CDH4: variants seen among roughly 807,000 people sequenced by gnomAD.
CDH4 encodes cadherin-4.
Under a neutral mutation model 86.0 loss-of-function variants are expected in CDH4, and 33 were observed. The ratio of observed to expected loss-of-function variants is 0.38; its 90% CI spans 0.29 to 0.51. CDH4 has a LOEUF of 0.51. Among genes scored for constraint, CDH4 ranks in the 20% least tolerant of loss-of-function variants. CDH4 has a pLI of 0.86. For synonymous variants in CDH4, 555 were observed against 549.4 expected (o/e 1.01, Z -0.14); for missense variants, 1,114 against 1,307.4 (o/e 0.85, Z 2.28).
chr20:61,733,943 C>T (rs886573113), intron 2 of CDH4, among the ~76,000 whole-genome samples: 6 of 152,244 alleles, frequency 3.9e-5, no homozygotes, highest in African/African-American at 9.6e-5. Context: ...CCTGCTGCGC[C>T]CGTAAATGTC....
chr20:61,919,971 CGTG>C (rs2054951062), intron 9 of CDH4, among the ~76,000 whole-genome samples: 2 of 149,170 alleles, frequency 1.3e-5, no homozygotes, highest in African/African-American at 5.0e-5. Flanking sequence ...TGTGTGGAAG[CGTG>C]GTATCGCGGT....
intron 4 of CDH4, among the ~76,000 whole-genome samples, chr20:61,830,125 C>A (rs1230118375): frequency 6.7e-6 from 1 of 150,172 alleles, no homozygotes; most frequent in Non-Finnish European, 1.5e-5. Context: ...CCCCCACACC[C>A]GTTCATGTGA....
intron 2 of CDH4, among the ~76,000 whole-genome samples, chr20:61,605,499 A>C (rs2427178): frequency 3.3e-5 from 5 of 151,198 alleles, no homozygotes; most frequent in Admixed American, 1.3e-4. Flanking sequence ...CTCTCCCCCC[A>C]TGTCTCTCCC....
At chr20:61,798,158 G>A (rs1314832119) in intron 4 of CDH4, among the ~76,000 whole-genome samples, 3 of 151,546 alleles carry the variant, frequency 2.0e-5, no homozygotes, top group Non-Finnish European at 4.4e-5. Flanking sequence ...CGCCTCTCCT[G>A]AGCCAGCAGC....
intron 2 of CDH4, among the ~76,000 whole-genome samples, chr20:61,375,212 A>G (rs1345383907): frequency 6.6e-6 from 1 of 152,206 alleles, no homozygotes; most frequent in Non-Finnish European, 1.5e-5. Flanking sequence ...GATATTTTAC[A>G]GAGTTTGACT....
At chr20:61,364,045 A>G (rs2084798108) in intron 2 of CDH4, among the ~76,000 whole-genome samples, 1 of 152,178 alleles carries the variant, frequency 6.6e-6, no homozygotes, top group Non-Finnish European at 1.5e-5. Context: ...CAGCATTTCC[A>G]TGTGTCGTTT....
chr20:61,890,966 G>A (rs761356286), intron 7 of CDH4, among the ~76,000 whole-genome samples: 25 of 152,058 alleles, frequency 1.6e-4, no homozygotes, highest in African/African-American at 5.8e-4. Flanking sequence ...GTGGCTGTCC[G>A]GGTCACGCTG....
intron 5 of CDH4, among the ~76,000 whole-genome samples, chr20:61,849,542 C>T (rs1982617846): frequency 6.6e-6 from 1 of 151,972 alleles, no homozygotes; most frequent in Non-Finnish European, 1.5e-5. Context: ...GGATCTGCCT[C>T]TAGGCTCACC....
intron 2 of CDH4, among the ~76,000 whole-genome samples, chr20:61,283,474 C>CTG (rs2084274399): frequency 2.6e-5 from 2 of 78,430 alleles, no homozygotes; most frequent in African/African-American, 4.3e-5. Context: ...CACGCGTGTG[C>CTG]TGTGGTGTGT....
At chr20:61,467,637 G>A (rs2085480160) in intron 2 of CDH4, among the ~76,000 whole-genome samples, 1 of 152,166 alleles carries the variant, frequency 6.6e-6, no homozygotes, top group Admixed American at 6.5e-5. Context: ...AATTACACAT[G>A]CTGCTGCCCA....
intron 2 of CDH4, among the ~76,000 whole-genome samples, chr20:61,483,677 C>T (rs1383825330): frequency 6.7e-6 from 1 of 149,014 alleles, no homozygotes; most frequent in Non-Finnish European, 1.5e-5. Flanking sequence ...ACCCGCCCCC[C>T]CCGCCCCGCC....
chr20:61,844,672 G>A lies in CDH4; in HGVS notation c.581G>A (p.Arg194Gln), dbSNP rs370743880. The A allele has an allele frequency of 2.5e-5, 41 of 1,609,904 alleles. No homozygotes were observed. Among genetic ancestry groups the A allele is most frequent in the Admixed American group, 1.8e-4 (11 of 59,860 alleles). ...GPFPQQLVRI[R>Q]SDKDNDIPIR... ...CGCTTTGCTCCTGCCTTTCAGATCC[G>A]GTCCGACAAAGACAATGACATCCCC... Residue 194 changes from arginine (R) to glutamine (Q), a missense_variant, in exon 5 of 16, where the codon CGG becomes CAG. This residue lies in a region of CDH4 where 705 missense variants were observed against 914.1 expected (regional missense o/e 0.77). Transcript: ENST00000614565.
chr20:61,573,088 G>C (rs1408017442), intron 2 of CDH4, among the ~76,000 whole-genome samples: 1 of 151,936 alleles, frequency 6.6e-6, no homozygotes. Flanking sequence ...TTGGATGGAT[G>C]GTTGGACGGA....
At chr20:61,322,688 A>C (rs563526907) in intron 2 of CDH4, among the ~76,000 whole-genome samples, 4 of 152,226 alleles carry the variant, frequency 2.6e-5, no homozygotes, top group Admixed American at 2.6e-4. Context: ...TGTTCACTTC[A>C]TCCAACGCTG....
At chr20:61,764,168 C>T (rs1209177706) in intron 3 of CDH4, among the ~76,000 whole-genome samples, 1 of 152,198 alleles carries the variant, frequency 6.6e-6, no homozygotes, top group Non-Finnish European at 1.5e-5. Context: ...ATTGTGGCCC[C>T]AAGAAGCCGG....
At chr20:61,698,077 GC>G (rs1225430128) in intron 2 of CDH4, among the ~76,000 whole-genome samples, 1 of 152,220 alleles carries the variant, frequency 6.6e-6, no homozygotes, top group East Asian at 1.9e-4. Context: ...CTGCCACACT[GC>G]CCGAGACAGC....
intron 2 of CDH4, among the ~76,000 whole-genome samples, chr20:61,298,212 A>G (rs374228811): frequency 2.0e-5 from 3 of 152,170 alleles, no homozygotes; most frequent in East Asian, 3.9e-4. Flanking sequence ...AACCGTGGAC[A>G]CCAGCACGAT....
intron 3 of CDH4, among the ~76,000 whole-genome samples, chr20:61,768,276 T>C (rs1284681922): frequency 2.0e-5 from 3 of 152,144 alleles, no homozygotes; most frequent in Admixed American, 6.5e-5. Context: ...TATTCATACA[T>C]GTGCATTTGT....
intron 2 of CDH4, among the ~76,000 whole-genome samples, chr20:61,551,028 G>A (rs1403822952): frequency 6.6e-6 from 1 of 152,160 alleles, no homozygotes; most frequent in Admixed American, 6.5e-5. Context: ...TTGTGATTTA[G>A]GACAAACCAT....
Sources: gnomAD v4.1 joint callset for allele counts (sites outside exome capture counted in the v4.1 genomes callset) on GRCh38, gnomAD v4.1.1 for gene constraint, gnomAD v4.1.1 regional missense constraint, MANE v1.5 for transcripts, NCBI Gene and HGNC (gene_info 2026-07-23, HGNC 2026-07-21) for gene names.